Variants in CNTN5 observed in about 807,000 individuals in gnomAD.
CNTN5 encodes the protein contactin 5, also known as contactin-5.
Under a neutral mutation model 129.1 loss-of-function variants are expected in CNTN5, and 77 were observed. The ratio of observed to expected loss-of-function variants is 0.60; its 90% CI spans 0.50 to 0.72. The LOEUF (loss-of-function observed/expected upper bound fraction) is 0.72. CNTN5 is among the 30% of genes least tolerant of loss of function. The pLI is 0.00. For synonymous variants in CNTN5, 509 were observed against 465.6 expected (o/e 1.09, Z -1.20); for missense variants, 1,478 against 1,328.8 (o/e 1.11, Z -1.75).
chr11:99,489,623 G>T lies in CNTN5; in HGVS notation c.-70-66522G>T, dbSNP rs538830428. On this transcript the variant is annotated intron_variant, in intron 2 of 24. Transcript: ENST00000524871. Reference sequence around the variant, plus strand: ...CTTGGAGTCCCTATTAAATTATAGAGTCTATGTATTATTTTAACATAACAG... The same window carrying T: ...CTTGGAGTCCCTATTAAATTATAGATTCTATGTATTATTTTAACATAACAG... 3.3e-5 allele frequency among the ~76,000 whole-genome samples: 5 copies of T among 152,272 alleles called. No homozygotes were observed. In the East Asian group the frequency reaches 9.6e-4, roughly 29 times the overall value.
chr11:99,654,933 T>C lies in CNTN5; in HGVS notation c.55+98664T>C, dbSNP rs116539814. 8.9e-3 allele frequency among the ~76,000 whole-genome samples: 1,357 copies of C among 152,120 alleles called. 21 individuals are homozygous for C. Among genetic ancestry groups the C allele is most frequent in the African/African-American group, 0.031 (1,282 of 41,510 alleles). ...ATCTTAGTGTCCCTGAATGAGGAGA[T>C]GGGAGGACACATCAACTCTATCTCA... On this transcript the variant is annotated intron_variant, in intron 3 of 24. Transcript: ENST00000524871.
intron 6 of CNTN5, among the ~76,000 whole-genome samples, chr11:99,894,771 C>T (rs944842412): frequency 6.6e-6 from 1 of 151,958 alleles, no homozygotes; most frequent in African/African-American, 2.4e-5. Flanking sequence ...TTTTGAAATC[C>T]AAAGTCAAAT....
chr11:99,653,163 ATATT>A (rs1192526602), intron 3 of CNTN5, among the ~76,000 whole-genome samples: 1 of 152,000 alleles, frequency 6.6e-6, no homozygotes, highest in African/African-American at 2.4e-5. Context: ...GTAAGGGAAA[ATATT>A]TATTTTACTA....
chr11:99,573,141 C>T (rs1182318667), intron 3 of CNTN5, among the ~76,000 whole-genome samples: 1 of 151,086 alleles, frequency 6.6e-6, no homozygotes, highest in Non-Finnish European at 1.5e-5. Flanking sequence ...TGCCAAGAAG[C>T]TACTCTGTTT....
chr11:99,143,244 C>A (rs966901518), intron 1 of CNTN5, among the ~76,000 whole-genome samples: 7 of 150,394 alleles, frequency 4.7e-5, no homozygotes, highest in African/African-American at 1.7e-4. Flanking sequence ...ATTTAATTCA[C>A]TTATGTATCT....
At chr11:99,922,874 G>C (rs1467885121) in intron 7 of CNTN5, among the ~76,000 whole-genome samples, 1 of 152,108 alleles carries the variant, frequency 6.6e-6, no homozygotes, top group East Asian at 1.9e-4. Context: ...GTTGAGTTTT[G>C]CAAGGTTTTA....
intron 1 of CNTN5, among the ~76,000 whole-genome samples, chr11:99,303,370 A>G (rs1007109295): frequency 3.3e-5 from 5 of 151,830 alleles, no homozygotes; most frequent in East Asian, 1.9e-4. Flanking sequence ...CTTAGAACAC[A>G]TGATTTTAAA....
At chr11:100,133,749 T>G (rs1946446048) in intron 13 of CNTN5, among the ~76,000 whole-genome samples, 1 of 152,124 alleles carries the variant, frequency 6.6e-6, no homozygotes, top group African/African-American at 2.4e-5. Context: ...GGGTCTAGAC[T>G]ATTTGGCCTT....
intron 1 of CNTN5, among the ~76,000 whole-genome samples, chr11:99,194,356 G>A (rs1284327434): frequency 6.6e-6 from 1 of 152,048 alleles, no homozygotes; most frequent in African/African-American, 2.4e-5. Context: ...CCTTAAAACT[G>A]TGAGAATGAA....
intron 1 of CNTN5, among the ~76,000 whole-genome samples, chr11:99,033,854 A>G (rs975005402): frequency 5.9e-5 from 9 of 151,638 alleles, no homozygotes; most frequent in African/African-American, 2.2e-4. Context: ...GCCAGTTTTC[A>G]AAGGGAATGC....
chr11:99,162,301 A>G (rs188781501), intron 1 of CNTN5, among the ~76,000 whole-genome samples: 123 of 152,100 alleles, frequency 8.1e-4, no homozygotes, highest in African/African-American at 2.8e-3. Context: ...TCATTGATAA[A>G]AGAAGAGAGC....
intron 13 of CNTN5, among the ~76,000 whole-genome samples, chr11:100,092,083 A>G (rs1298375877): frequency 6.7e-6 from 1 of 149,968 alleles, no homozygotes; most frequent in Non-Finnish European, 1.5e-5. Context: ...ACTCAGATAA[A>G]GAGTAATTAC....
At chr11:99,674,157 A>T (rs1953169520) in intron 3 of CNTN5, among the ~76,000 whole-genome samples, 1 of 152,088 alleles carries the variant, frequency 6.6e-6, no homozygotes, top group Admixed American at 6.6e-5. Context: ...ATTCTAACTG[A>T]TGTGAGATGG....
Position 100,161,556 on chromosome 11 carries a change from A to T in CNTN5, c.1581-29570A>T, listed in dbSNP as rs139443463. ...ATATTGTAAGTAACTTTACAGAGAG[A>T]ATGTCTAATCAGAGACTAAACTGAC... On this transcript the variant is annotated intron_variant, in intron 13 of 24. Coordinates refer to ENST00000524871, the MANE Select transcript of CNTN5 (RefSeq NM_014361.4). Among the ~76,000 whole-genome samples the T allele has an allele frequency of 7.9e-3, 1,193 of 151,968 alleles. 6 individuals carry two copies. The highest frequency in any genetic ancestry group is 0.013 in the Non-Finnish European group (897 of 67,866).
chr11:99,819,240 CTACTTGCTTTCTT>C (rs1946691785), intron 3 of CNTN5, among the ~76,000 whole-genome samples: 1 of 146,544 alleles, frequency 6.8e-6, no homozygotes, highest in Non-Finnish European at 1.5e-5. Context: ...CTCTCTCTCT[CTACTTGCTTTCTT>C]CCTTCCCTTC....
intron 1 of CNTN5, among the ~76,000 whole-genome samples, chr11:99,195,333 T>G (rs963013083): frequency 1.3e-5 from 2 of 152,098 alleles, no homozygotes; most frequent in African/African-American, 4.8e-5. Flanking sequence ...CATTTACCTA[T>G]TTTTTCTTAA....
chr11:100,193,742 T>A (rs996553871), intron 15 of CNTN5, 79 bp downstream of exon 15: 3 of 1,260,758 alleles, frequency 2.4e-6, no homozygotes, highest in African/African-American at 3.1e-5. Flanking sequence ...TGCTTAGCTA[T>A]GAAGTGCTAA....
chr11:99,251,188 C>T (rs1475335531), intron 1 of CNTN5, among the ~76,000 whole-genome samples: 1 of 151,824 alleles, frequency 6.6e-6, no homozygotes. Context: ...TCAAAGAAAA[C>T]AGGTTATTTA....
At chr11:100,023,280 T>TGC (rs1941257484) in intron 9 of CNTN5, among the ~76,000 whole-genome samples, 1 of 152,176 alleles carries the variant, frequency 6.6e-6, no homozygotes, top group Admixed American at 6.5e-5. Context: ...TGATCTTCTG[T>TGC]TAATCACCTC....
Sources: gnomAD v4.1 joint callset for allele counts (sites outside exome capture counted in the v4.1 genomes callset) on GRCh38, gnomAD v4.1.1 for gene constraint, MANE v1.5 for transcripts, NCBI Gene and HGNC (gene_info 2026-07-23, HGNC 2026-07-21) for gene names.